The following CSGALNACT2 variants were observed in gnomAD, a reference collection of about 807,000 sequenced individuals.
CSGALNACT2 encodes chondroitin sulfate N-acetylgalactosaminyltransferase 2.
In CSGALNACT2, 35 loss-of-function variants were observed where a neutral mutation model predicts 55.3. The observed-to-expected ratio is 0.63, with a 90% CI of 0.48 to 0.84. The LOEUF is 0.84. Ranked by LOEUF, CSGALNACT2 falls within the 40% of genes least tolerant of loss-of-function variation. The pLI is 0.00. For synonymous variants in CSGALNACT2, 196 were observed against 224.9 expected (o/e 0.87, Z 1.15); for missense variants, 544 against 657.5 (o/e 0.83, Z 1.89).
intron 7 of CSGALNACT2, among the ~76,000 whole-genome samples, chr10:43,179,498 T>A (rs1274427243): frequency 6.6e-6 from 1 of 152,136 alleles, no homozygotes; most frequent in Non-Finnish European, 1.5e-5. Flanking sequence ...CTGCTGTTGC[T>A]CCTCAGGGCC....
At chr10:43,145,153 A>G (rs974508252) in intron 1 of CSGALNACT2, among the ~76,000 whole-genome samples, 4 of 152,212 alleles carry the variant, frequency 2.6e-5, no homozygotes, top group Non-Finnish European at 2.9e-5. Flanking sequence ...ACTGAGGCAG[A>G]ATAAAATTTT....
chr10:43,147,818 CAG>C (rs1415266122), intron 1 of CSGALNACT2, among the ~76,000 whole-genome samples: 1 of 124,692 alleles, frequency 8.0e-6, no homozygotes, highest in East Asian at 2.5e-4. Flanking sequence ...TAAAGTAAGA[CAG>C]ACAAATGATT....
chr10:43,178,896 T>C (rs1164467624), intron 7 of CSGALNACT2, among the ~76,000 whole-genome samples: 1 of 152,092 alleles, frequency 6.6e-6, no homozygotes, highest in East Asian at 1.9e-4. Context: ...TTTCTTAGGC[T>C]CTGTTTATTT....
At chr10:43,178,519 G>A (rs1351252417) in intron 7 of CSGALNACT2, among the ~76,000 whole-genome samples, 1 of 151,726 alleles carries the variant, frequency 6.6e-6, no homozygotes, top group African/African-American at 2.4e-5. Flanking sequence ...TACTTGGGAG[G>A]CTGAGGCAGG....
intron 7 of CSGALNACT2, among the ~76,000 whole-genome samples, chr10:43,181,158 A>G (rs776898847): frequency 6.6e-6 from 1 of 152,220 alleles, no homozygotes; most frequent in African/African-American, 2.4e-5. Context: ...GGAGTTTTTA[A>G]CACTCAGACT....
At chr10:43,162,248 C>A (rs746014667) in intron 4 of CSGALNACT2, 15 of 531,966 alleles carry the variant, frequency 2.8e-5, no homozygotes, top group South Asian at 1.9e-4. Flanking sequence ...CGGCTCTGGG[C>A]TCACATCTTC....
intron 6 of CSGALNACT2, among the ~76,000 whole-genome samples, chr10:43,171,631 A>G (rs534351457): frequency 8.9e-4 from 136 of 152,308 alleles, no homozygotes; most frequent in African/African-American, 3.1e-3. Flanking sequence ...GATTATAGGC[A>G]TGAGCCACCG....
chr10:43,154,605 T>C (rs563307363), intron 1 of CSGALNACT2, among the ~76,000 whole-genome samples: 45 of 152,040 alleles, frequency 3.0e-4, no homozygotes, highest in African/African-American at 1.1e-3. Context: ...CAGATGCCTG[T>C]AGTCCCAGCT....
Position 43,154,905 on chromosome 10 carries a change from C to A in CSGALNACT2, c.-245C>A. The A allele has an allele frequency of 2.2e-6, 1 of 462,054 alleles. No individual in the cohort carries two copies. The highest frequency in any genetic ancestry group is 3.8e-6 in the Non-Finnish European group (1 of 261,456). The allele number at this position is 462,054 out of a possible 1,614,324, so 28.6% of individuals were successfully genotyped here. ...TGATCTGTGTCTTTCAGAAAAATCA[C>A]TACCAATATAATGGATTTTATATAT... On this transcript the variant is annotated 5_prime_UTR_variant, in exon 2 of 8. Transcript: ENST00000374466.
At chr10:43,169,358 T>C (rs1055161893) in intron 6 of CSGALNACT2, among the ~76,000 whole-genome samples, 4 of 152,140 alleles carry the variant, frequency 2.6e-5, no homozygotes, top group Admixed American at 2.0e-4. Flanking sequence ...ACAGAAAAAT[T>C]AACACATGAG....
intron 6 of CSGALNACT2, among the ~76,000 whole-genome samples, chr10:43,173,120 T>C (rs1240899020): frequency 2.6e-5 from 4 of 152,194 alleles, no homozygotes; most frequent in Non-Finnish European, 2.9e-5. Context: ...GCTTTCACAG[T>C]AGACAAGGGG....
At chr10:43,140,740 A>G (rs1028541964) in intron 1 of CSGALNACT2, among the ~76,000 whole-genome samples, 1 of 152,286 alleles carries the variant, frequency 6.6e-6, no homozygotes, top group Non-Finnish European at 1.5e-5. Flanking sequence ...CATGCTACAC[A>G]AGCACTAGGT....
rs76737591 is a variant in CSGALNACT2 at position 43,156,159 on chromosome 10, G to A, written c.661+349G>A. On this transcript the variant is annotated intron_variant, in intron 2 of 7. Transcript: ENST00000374466. ...TCTTTTTTATGTTTTTAAAAAATGT[G>A]TAAACTAAAACTCAAAACTTGAAAA... 8.4e-3 allele frequency among the ~76,000 whole-genome samples: 1,284 copies of A among 152,206 alleles called. 54 individuals carry two copies. In the East Asian group the frequency reaches 0.097, roughly 11 times the overall value.
Position 43,184,548 on chromosome 10 carries a change from G to A in CSGALNACT2, c.*1006G>A, listed in dbSNP as rs899941891. 2.0e-5 allele frequency: 3 copies of A among 152,138 alleles called. No homozygotes were observed. The highest frequency in any genetic ancestry group is 4.4e-5 in the Non-Finnish European group (3 of 68,034). 9.4% of individuals were successfully genotyped at this position (152,138 alleles called of 1,614,324 possible). ...CTTTGAGTTGAAAAAGAGTTTCATT[G>A]TGGAGAGAAAAAGCAAATGGTATGC... On this transcript the variant is annotated 3_prime_UTR_variant, in exon 8 of 8. Transcript: ENST00000374466.
chr10:43,173,776 A>G (rs1588911919), intron 6 of CSGALNACT2, among the ~76,000 whole-genome samples: 1 of 152,082 alleles, frequency 6.6e-6, no homozygotes. Context: ...GTGGATCACC[A>G]GAGGTCAAGA....
At chr10:43,170,438 A>T (rs1176440750) in intron 6 of CSGALNACT2, among the ~76,000 whole-genome samples, 1 of 152,218 alleles carries the variant, frequency 6.6e-6, no homozygotes, top group Non-Finnish European at 1.5e-5. Context: ...GAATATGTCG[A>T]AGGGGCACAG....
intron 1 of CSGALNACT2, among the ~76,000 whole-genome samples, chr10:43,152,057 G>A (rs1838886593): frequency 6.6e-6 from 1 of 152,056 alleles, no homozygotes; most frequent in Non-Finnish European, 1.5e-5. Context: ...GGCTTGTAAG[G>A]TTTCTTTCAA....
intron 2 of CSGALNACT2, 76 bp downstream of exon 2, chr10:43,155,886 A>G: frequency 8.3e-7 from 1 of 1,201,582 alleles, no homozygotes; most frequent in Non-Finnish European, 1.2e-6. Flanking sequence ...ATTGTATTGT[A>G]GTATTGTACT....
chr10:43,152,332 C>G (rs945234028), intron 1 of CSGALNACT2, among the ~76,000 whole-genome samples: 1 of 152,090 alleles, frequency 6.6e-6, no homozygotes. Flanking sequence ...ATGTAATCTT[C>G]TAGATTATGG....
Sources: allele counts gnomAD v4.1 joint callset (sites outside exome capture counted in the v4.1 genomes callset), GRCh38; gene constraint gnomAD v4.1.1; transcripts MANE v1.5; gene names NCBI Gene and HGNC (gene_info 2026-07-23, HGNC 2026-07-21).